MYL12B: variants seen among roughly 807,000 people sequenced by gnomAD.
The protein encoded by MYL12B is myosin light chain 12B.
A neutral mutation model predicts 12.9 loss-of-function variants in MYL12B; 3 were observed. The observed-to-expected ratio is 0.23, with a 90% CI of 0.11 to 0.60. The LOEUF is 0.60. Ranked by LOEUF, MYL12B falls within the 20% of genes least tolerant of loss-of-function variation. The probability of loss-of-function intolerance (pLI) is 0.89; values close to 1 mark genes in which losing one functional copy is unlikely to be tolerated. For missense variants in MYL12B, 120 were observed against 215.4 expected, an observed-to-expected ratio of 0.56 and a Z score of 2.77; for synonymous variants, 57 against 71.9, an observed-to-expected ratio of 0.79 and a Z score of 1.05.
At chr18:3,275,248 T>C (rs1245624288) in intron 2 of MYL12B, among the ~76,000 whole-genome samples, 2 of 152,094 alleles carry the variant, frequency 1.3e-5, no homozygotes, top group African/African-American at 2.4e-5. Flanking sequence ...CACACACTTG[T>C]GGGAGCTAAA....
chr18:3,264,684 AG>A (rs1208836709), intron 1 of MYL12B, among the ~76,000 whole-genome samples: 6 of 152,174 alleles, frequency 3.9e-5, no homozygotes, highest in African/African-American at 7.2e-5. Flanking sequence ...ACCCAATAAG[AG>A]AGGTGAATTT....
chr18:3,274,424 A>G (rs940280620), intron 2 of MYL12B, among the ~76,000 whole-genome samples: 10 of 147,384 alleles, frequency 6.8e-5, no homozygotes, highest in African/African-American at 2.5e-4. Context: ...ATTAAATTTA[A>G]TGGAGTTTAA....
chr18:3,268,745 A>G (rs1598806982), intron 1 of MYL12B, among the ~76,000 whole-genome samples: 2 of 152,232 alleles, frequency 1.3e-5, no homozygotes, highest in African/African-American at 4.8e-5. Flanking sequence ...AGTATTTAGT[A>G]GGAAGTAGAA....
intron 1 of MYL12B, 140 bp downstream of exon 1, chr18:3,262,377 A>T (rs1226420335): frequency 6.6e-6 from 1 of 152,116 alleles, no homozygotes; most frequent in African/African-American, 2.4e-5. Flanking sequence ...ACTGGCTGAG[A>T]AGGGGGCGCG....
intron 2 of MYL12B, among the ~76,000 whole-genome samples, chr18:3,273,746 G>C (rs902353233): frequency 2.0e-5 from 3 of 152,120 alleles, no homozygotes; most frequent in African/African-American, 7.2e-5. Flanking sequence ...CAAAGCGGAG[G>C]GGGTGAGGCA....
intron 2 of MYL12B, 85 bp from the exon 3 acceptor site, chr18:3,277,168 A>G (rs965401832): frequency 7.0e-6 from 9 of 1,294,090 alleles, no homozygotes; most frequent in East Asian, 2.7e-5. Flanking sequence ...CATTTTAAAA[A>G]TATGTTGGGG....
intron 1 of MYL12B, among the ~76,000 whole-genome samples, chr18:3,265,569 C>T (rs1319492777): frequency 1.3e-5 from 2 of 152,226 alleles, no homozygotes; most frequent in African/African-American, 4.8e-5. Flanking sequence ...AGAGTCCTGT[C>T]CTCTACTAGC....
Position 3,278,343 on chromosome 18 carries a change from T to G in MYL12B, c.*406T>G, listed in dbSNP as rs1365880665. On this transcript the variant is annotated 3_prime_UTR_variant, in exon 4 of 4. Coordinates refer to ENST00000237500, the MANE Select transcript of MYL12B (RefSeq NM_033546.4). Reference sequence around the variant, plus strand: ...TAGTCCTTTTTTCAGGTTTTCAACTTCATATGATTCAGGTTTTATGGTAAA... The same window carrying G: ...TAGTCCTTTTTTCAGGTTTTCAACTGCATATGATTCAGGTTTTATGGTAAA... 1 of 164,006 alleles carries G rather than the reference T, an allele frequency of 6.1e-6. No homozygotes were observed. The highest frequency in any genetic ancestry group is 2.4e-5 in the African/African-American group (1 of 41,534). 10.2% of individuals were successfully genotyped at this position (164,006 alleles called of 1,614,324 possible).
rs576081187 is a variant in MYL12B, at chr18:3,276,044, T to C, written c.185-1209T>C. On this transcript the variant is annotated intron_variant, in intron 2 of 3. Transcript: ENST00000237500. ...ATTGTCATTCTAGCTTTGACTTAGT[T>C]GGGTATAATTTTGAGATGGTTCCTT... is the stretch of plus-strand genomic sequence containing the variant. 1.7e-4 allele frequency among the ~76,000 whole-genome samples: 26 copies of C among 152,170 alleles called. No homozygotes were observed. The South Asian group carries it at 5.4e-3, about 32-fold the overall frequency.
At chr18:3,273,129 G>A (rs1316412025) in intron 2 of MYL12B, 47 bp downstream of exon 2, 14 of 1,501,332 alleles carry the variant, frequency 9.3e-6, no homozygotes, top group African/African-American at 1.4e-5. Flanking sequence ...ATAATAATTT[G>A]TCTCTTTATG....
intron 1 of MYL12B, among the ~76,000 whole-genome samples, chr18:3,264,890 G>C (rs2081624725): frequency 6.6e-6 from 1 of 152,184 alleles, no homozygotes; most frequent in African/African-American, 2.4e-5. Flanking sequence ...TAATGGGGGT[G>C]ATGGTTACAT....
chr18:3,277,752 T>C lies in MYL12B; in HGVS notation c.347-13T>C, dbSNP rs1196550114. 6.2e-7 allele frequency: 1 copy of C among 1,601,010 alleles called. No individual in the cohort carries two copies. Among genetic ancestry groups the C allele is most frequent in the Non-Finnish European group, 8.5e-7 (1 of 1,176,614 alleles). On this transcript the variant is annotated splice_polypyrimidine_tract_variant and intron_variant, in intron 3 of 3. Transcript: ENST00000237500. ...GTATTGATGACTGCTTTCTTCTTTC[T>C]ATTGTCTTCCAGGCACCATTCAGGA...
intron 1 of MYL12B, among the ~76,000 whole-genome samples, chr18:3,264,590 T>TA (rs1437861724): frequency 6.6e-6 from 1 of 152,180 alleles, no homozygotes; most frequent in African/African-American, 2.4e-5. Flanking sequence ...CTCATGCCTG[T>TA]AGTCCCAGCT....
At chr18:3,271,153 T>C (rs2081675820) in intron 1 of MYL12B, among the ~76,000 whole-genome samples, 1 of 152,230 alleles carries the variant, frequency 6.6e-6, no homozygotes, top group African/African-American at 2.4e-5. Context: ...ATCTAAGTTT[T>C]GGTATGTGAA....
At chr18:3,272,784 T>G (rs2081691495) in intron 1 of MYL12B, 100 bp from the exon 2 acceptor site, 6 of 1,074,632 alleles carry the variant, frequency 5.6e-6, no homozygotes, top group Non-Finnish European at 6.4e-6. Context: ...AATTCCTTAT[T>G]GATATTTTTA....
chr18:3,270,020 G>A (rs2081664784), intron 1 of MYL12B, among the ~76,000 whole-genome samples: 1 of 152,206 alleles, frequency 6.6e-6, no homozygotes, highest in Non-Finnish European at 1.5e-5. Flanking sequence ...ATAAAATAGT[G>A]TGATGCAGTA....
At chr18:3,267,329 A>G (rs745860305) in intron 1 of MYL12B, among the ~76,000 whole-genome samples, 1 of 152,236 alleles carries the variant, frequency 6.6e-6, no homozygotes, top group Non-Finnish European at 1.5e-5. Flanking sequence ...AATCATAGGT[A>G]GCTGACAGAA....
At chr18:3,263,658 C>G (rs1351132133) in intron 1 of MYL12B, among the ~76,000 whole-genome samples, 1 of 152,234 alleles carries the variant, frequency 6.6e-6, no homozygotes, top group Non-Finnish European at 1.5e-5. Context: ...TCCCTTTCTC[C>G]CAAGATTCAA....
chr18:3,263,997 A>G (rs2081616853), intron 1 of MYL12B, among the ~76,000 whole-genome samples: 1 of 152,316 alleles, frequency 6.6e-6, no homozygotes, highest in Admixed American at 6.5e-5. Context: ...AGTTGTCGTG[A>G]GGATTAAATG....
Sources: gnomAD v4.1 joint callset for allele counts (sites outside exome capture counted in the v4.1 genomes callset) on GRCh38, gnomAD v4.1.1 for gene constraint, MANE v1.5 for transcripts, NCBI Gene and HGNC (gene_info 2026-07-23, HGNC 2026-07-21) for gene names.